NCKAP5: variants seen among roughly 807,000 people sequenced by gnomAD.
NCKAP5 encodes the protein NCK associated protein 5.
NCKAP5 carries 92 observed loss-of-function variants against 167.0 expected under a neutral mutation model. The observed-to-expected ratio is 0.55, with a 90% confidence interval of 0.47 to 0.66. The LOEUF (loss-of-function observed/expected upper bound fraction) is 0.66, where lower values mean the gene tolerates loss of function less well. NCKAP5 is among the 30% of genes least tolerant of loss of function. NCKAP5 has a pLI of 0.00. For missense variants in NCKAP5, 2,378 were observed against 2,315.0 expected, an observed-to-expected ratio of 1.03 and a Z score of -0.56; for synonymous variants, 891 against 877.4, an observed-to-expected ratio of 1.02 and a Z score of -0.27.
At chr2:132,920,432 T>A (rs141778898) in intron 8 of NCKAP5, among the ~76,000 whole-genome samples, 1 of 151,658 alleles carries the variant, frequency 6.6e-6, no homozygotes, top group East Asian at 1.9e-4. Flanking sequence ...TACAGCATCA[T>A]GTAAAAAGTT....
At chr2:133,353,768 G>A (rs971144289) in intron 3 of NCKAP5, among the ~76,000 whole-genome samples, 1 of 152,136 alleles carries the variant, frequency 6.6e-6, no homozygotes, top group Non-Finnish European at 1.5e-5. Flanking sequence ...TAGTCAGAAA[G>A]GAGTTCAGCC....
chr2:133,087,686 CA>C (rs1422688997), intron 6 of NCKAP5, among the ~76,000 whole-genome samples: 1 of 152,090 alleles, frequency 6.6e-6, no homozygotes, highest in Non-Finnish European at 1.5e-5. Context: ...CATTTTACAA[CA>C]AAAATACCAT....
At chr2:133,627,093 T>C in the NCKAP5 span, among the ~76,000 whole-genome samples, 3 of 151,936 alleles carry the variant, frequency 2.0e-5, no homozygotes, top group Non-Finnish European at 4.4e-5. Flanking sequence ...ATAAAACATA[T>C]TGGCCATAAA....
chr2:133,183,150 C>A (rs181892938), intron 5 of NCKAP5, among the ~76,000 whole-genome samples: 1 of 152,060 alleles, frequency 6.6e-6, no homozygotes, highest in East Asian at 1.9e-4. Flanking sequence ...AATCTCCAGG[C>A]ACAGATGGTT....
the NCKAP5 span, among the ~76,000 whole-genome samples, chr2:133,603,790 G>A: frequency 1.4e-3 from 218 of 152,210 alleles, 1 homozygote; most frequent in African/African-American, 4.8e-3. Flanking sequence ...ACCTGCCTCG[G>A]CCTCCCAAAG....
At chr2:133,409,641 A>G (rs1688656495) in intron 3 of NCKAP5, among the ~76,000 whole-genome samples, 1 of 152,158 alleles carries the variant, frequency 6.6e-6, no homozygotes, top group African/African-American at 2.4e-5. Flanking sequence ...AGGGTTCGTC[A>G]TGGGCTTTAG....
At position 133,489,455 on chromosome 2, in the gene NCKAP5, T is replaced by G. The variant is rs902041048; in HGVS notation, c.69+28003A>C. On this transcript the variant is annotated intron_variant, in intron 3 of 19. Transcript: ENST00000409261. ...ACAGTCATCCATTCAGAAGGATTCATGTGAGTTTCTGTATGGAAGCAAGGC... is the reference window on the plus strand; with the variant it reads ...ACAGTCATCCATTCAGAAGGATTCAGGTGAGTTTCTGTATGGAAGCAAGGC... Among the ~76,000 whole-genome samples, 9 of 152,312 alleles carry G rather than the reference T, an allele frequency of 5.9e-5. No individual in the cohort carries two copies. In the East Asian group the frequency reaches 1.7e-3, roughly 29 times the overall value.
chr2:133,358,597 G>A (rs1417104361), intron 3 of NCKAP5, among the ~76,000 whole-genome samples: 4 of 152,134 alleles, frequency 2.6e-5, no homozygotes, highest in African/African-American at 4.8e-5. Flanking sequence ...GTGTTGAACC[G>A]CACTGAGTAT....
At chr2:133,076,768 C>G (rs2080618456) in intron 6 of NCKAP5, among the ~76,000 whole-genome samples, 1 of 152,166 alleles carries the variant, frequency 6.6e-6, no homozygotes, top group Non-Finnish European at 1.5e-5. Flanking sequence ...CACAGGACGG[C>G]TACTGCTATA....
intron 6 of NCKAP5, among the ~76,000 whole-genome samples, chr2:133,082,651 T>C (rs1049537264): frequency 5.9e-5 from 9 of 152,140 alleles, no homozygotes; most frequent in African/African-American, 1.9e-4. Context: ...GAGCAGGGGC[T>C]TTCCTCTTTT....
Position 133,190,133 on chromosome 2 carries a change from G to C in NCKAP5, c.207+23583C>G, listed in dbSNP as rs557983055. On this transcript the variant is annotated intron_variant, in intron 5 of 19. Transcript: ENST00000409261. ...CAAGCATTCTTATACACCAACAACA[G>C]ACAAACAGAGAGCCAAATCATGAGT... Among the ~76,000 whole-genome samples the C allele has an allele frequency of 7.2e-5, 11 of 152,184 alleles. No individual in the cohort carries two copies. The East Asian group carries it at 1.9e-3, about 27-fold the overall frequency.
intron 3 of NCKAP5, among the ~76,000 whole-genome samples, chr2:133,506,064 T>C (rs1350186798): frequency 6.6e-6 from 1 of 152,216 alleles, no homozygotes; most frequent in Admixed American, 6.5e-5. Flanking sequence ...CAACTCCAGC[T>C]CTAGTCTAAG....
chr2:132,832,468 T>C (rs918117849), intron 11 of NCKAP5, among the ~76,000 whole-genome samples: 2 of 152,160 alleles, frequency 1.3e-5, no homozygotes, highest in African/African-American at 4.8e-5. Context: ...AAGGTATTCA[T>C]CAGCCAAATA....
intron 6 of NCKAP5, among the ~76,000 whole-genome samples, chr2:133,052,963 A>T (rs1414416091): frequency 1.3e-5 from 2 of 152,194 alleles, no homozygotes; most frequent in Non-Finnish European, 2.9e-5. Flanking sequence ...AAATAAAAAA[A>T]TACTCCTAAT....
intron 4 of NCKAP5, among the ~76,000 whole-genome samples, chr2:133,257,485 A>G (rs1214604246): frequency 6.9e-6 from 1 of 145,130 alleles, no homozygotes; most frequent in Non-Finnish European, 1.5e-5. Flanking sequence ...AAACTAAGAC[A>G]CTTACGATAA....
chr2:132,996,072 C>T (rs912490760), intron 6 of NCKAP5, among the ~76,000 whole-genome samples: 1 of 152,164 alleles, frequency 6.6e-6, no homozygotes, highest in Non-Finnish European at 1.5e-5. Flanking sequence ...CAGGATGTCA[C>T]CGGCCAACAG....
At chr2:133,343,651 G>A (rs530768164) in intron 3 of NCKAP5, among the ~76,000 whole-genome samples, 1 of 152,242 alleles carries the variant, frequency 6.6e-6, no homozygotes, top group African/African-American at 2.4e-5. Flanking sequence ...TTGATTGAAT[G>A]CAAACTATGT....
intron 6 of NCKAP5, among the ~76,000 whole-genome samples, chr2:133,106,993 T>G (rs1026148710): frequency 2.6e-5 from 4 of 152,202 alleles, no homozygotes; most frequent in African/African-American, 9.7e-5. Flanking sequence ...CCATAACTTA[T>G]CCTTACATGG....
intron 5 of NCKAP5, among the ~76,000 whole-genome samples, chr2:133,158,238 C>A (rs1222668218): frequency 6.6e-6 from 1 of 152,114 alleles, no homozygotes; most frequent in Non-Finnish European, 1.5e-5. Context: ...GTTCTTTGAT[C>A]TCAGTATATT....
Sources: gnomAD v4.1 joint callset for allele counts (sites outside exome capture counted in the v4.1 genomes callset) on GRCh38, gnomAD v4.1.1 for gene constraint, MANE v1.5 for transcripts, NCBI Gene and HGNC (gene_info 2026-07-23, HGNC 2026-07-21) for gene names.